The following RAB3C variants were observed in gnomAD, a reference collection of about 807,000 sequenced individuals.
The protein encoded by RAB3C is RAB3C, member RAS oncogene family.
In RAB3C, 17 loss-of-function variants were observed where a neutral mutation model predicts 26.4. The observed-to-expected ratio is 0.64, with a 90% CI of 0.44 to 0.97. The LOEUF (loss-of-function observed/expected upper bound fraction) is 0.97. Among genes scored for constraint, RAB3C ranks in the 50% least tolerant of loss-of-function variants. RAB3C has a pLI of 0.00. For missense variants in RAB3C, 242 were observed against 281.9 expected, an observed-to-expected ratio of 0.86 and a Z score of 1.01; for synonymous variants, 91 against 95.9, an observed-to-expected ratio of 0.95 and a Z score of 0.30.
chr5:58,785,474 C>G (rs1217393037), intron 3 of RAB3C, among the ~76,000 whole-genome samples: 2 of 152,214 alleles, frequency 1.3e-5, no homozygotes, highest in Non-Finnish European at 2.9e-5. Flanking sequence ...ATTCAAGCTT[C>G]TACTATTTGG....
At chr5:58,639,973 T>A (rs1389519207) in intron 2 of RAB3C, among the ~76,000 whole-genome samples, 2 of 152,224 alleles carry the variant, frequency 1.3e-5, no homozygotes, top group Non-Finnish European at 2.9e-5. Flanking sequence ...TCTTTCTTTA[T>A]CCACAGATTC....
chr5:58,765,969 C>T (rs758133216), intron 3 of RAB3C, among the ~76,000 whole-genome samples: 58 of 152,186 alleles, frequency 3.8e-4, no homozygotes, highest in African/African-American at 1.2e-3. Flanking sequence ...CCTCCTGCTC[C>T]GGCCACGTAA....
intron 3 of RAB3C, among the ~76,000 whole-genome samples, chr5:58,777,980 A>G (rs1742186856): frequency 6.6e-6 from 1 of 152,094 alleles, no homozygotes; most frequent in Non-Finnish European, 1.5e-5. Context: ...ATACAGTTCT[A>G]CTGACCAGAT....
intron 3 of RAB3C, among the ~76,000 whole-genome samples, chr5:58,749,760 G>C (rs1311846853): frequency 1.3e-5 from 2 of 152,098 alleles, no homozygotes; most frequent in Non-Finnish European, 2.9e-5. Flanking sequence ...AAAGTTTTCA[G>C]TTATTAACTT....
chr5:58,592,876 C>T (rs1306636182), intron 1 of RAB3C, among the ~76,000 whole-genome samples: 1 of 151,866 alleles, frequency 6.6e-6, no homozygotes, highest in African/African-American at 2.4e-5. Flanking sequence ...CTATAATGTG[C>T]CTAGATGTCG....
intron 2 of RAB3C, among the ~76,000 whole-genome samples, chr5:58,635,731 C>G (rs981450295): frequency 6.6e-6 from 1 of 152,074 alleles, no homozygotes; most frequent in Non-Finnish European, 1.5e-5. Context: ...TGTTTTCTTT[C>G]CTGACACAGG....
intron 2 of RAB3C, among the ~76,000 whole-genome samples, chr5:58,672,894 G>A (rs192266941): frequency 6.6e-6 from 1 of 152,260 alleles, no homozygotes; most frequent in African/African-American, 2.4e-5. Context: ...GCTAGGAGAA[G>A]AATAAACTAT....
intron 4 of RAB3C, among the ~76,000 whole-genome samples, chr5:58,827,838 G>A (rs1386303382): frequency 6.6e-6 from 1 of 152,056 alleles, no homozygotes; most frequent in Non-Finnish European, 1.5e-5. Context: ...TTTAAAAAAT[G>A]CTCTCACAAT....
At chr5:58,798,822 T>G (rs1269901336) in intron 3 of RAB3C, among the ~76,000 whole-genome samples, 2 of 152,222 alleles carry the variant, frequency 1.3e-5, no homozygotes, top group East Asian at 3.8e-4. Flanking sequence ...GTATTCTTAT[T>G]GAAATGTTTA....
At chr5:58,597,570 GCA>G (rs1196106546) in intron 1 of RAB3C, among the ~76,000 whole-genome samples, 94 of 122,030 alleles carry the variant, frequency 7.7e-4, no homozygotes, top group Non-Finnish European at 1.1e-3. Context: ...TTATATATAA[GCA>G]TATAACAATA....
intron 4 of RAB3C, among the ~76,000 whole-genome samples, chr5:58,843,727 C>T (rs1300023702): frequency 6.6e-6 from 1 of 152,084 alleles, no homozygotes; most frequent in Non-Finnish European, 1.5e-5. Context: ...ATAAATTTCC[C>T]ACAGGGCAAA....
chr5:58,850,871 T>C (rs1744099376), intron 4 of RAB3C, among the ~76,000 whole-genome samples: 2 of 152,212 alleles, frequency 1.3e-5, no homozygotes, highest in South Asian at 4.1e-4. Flanking sequence ...TGCAATAGAA[T>C]ATTTTTAATC....
At chr5:58,791,644 TG>T (rs1742524411) in intron 3 of RAB3C, among the ~76,000 whole-genome samples, 1 of 152,266 alleles carries the variant, frequency 6.6e-6, no homozygotes, top group Non-Finnish European at 1.5e-5. Context: ...TTAATCTATT[TG>T]GTGCTTAAAT....
At chr5:58,841,447 G>A (rs1377909021) in intron 4 of RAB3C, among the ~76,000 whole-genome samples, 2 of 152,160 alleles carry the variant, frequency 1.3e-5, no homozygotes, top group Admixed American at 1.3e-4. Flanking sequence ...CAGTGCTGGA[G>A]AGGTGCAGTA....
At chr5:58,690,190 A>T (rs1178276455) in intron 2 of RAB3C, among the ~76,000 whole-genome samples, 1 of 152,170 alleles carries the variant, frequency 6.6e-6, no homozygotes, top group Admixed American at 6.6e-5. Context: ...CTTCTAGTTA[A>T]GAATTCTATA....
At chr5:58,677,976 T>TTGTG (rs70973149) in intron 2 of RAB3C, among the ~76,000 whole-genome samples, 8,508 of 147,748 alleles carry the variant, frequency 0.058, 425 homozygotes, top group East Asian at 0.25. Flanking sequence ...CTAGATTATT[T>TTGTG]TGTGTGTGTG....
chr5:58,771,844 TTTTTC>T (rs1303446806), intron 3 of RAB3C, among the ~76,000 whole-genome samples: 64 of 149,700 alleles, frequency 4.3e-4, no homozygotes, highest in African/African-American at 1.5e-3. Flanking sequence ...TTTCTTTTTC[TTTTTC>T]TTTTTTTTTT....
At chr5:58,714,992 A>G (rs1470968529) in intron 2 of RAB3C, among the ~76,000 whole-genome samples, 1 of 152,042 alleles carries the variant, frequency 6.6e-6, no homozygotes, top group Non-Finnish European at 1.5e-5. Flanking sequence ...AAAGAAAAAT[A>G]TATTTTAATT....
intron 4 of RAB3C, among the ~76,000 whole-genome samples, chr5:58,831,462 C>G (rs771147248): frequency 1.3e-5 from 2 of 152,178 alleles, no homozygotes; most frequent in Non-Finnish European, 2.9e-5. Context: ...GCCAAGTGTG[C>G]TGTGATTTAT....
Sources: allele counts gnomAD v4.1 joint callset (sites outside exome capture counted in the v4.1 genomes callset), GRCh38; gene constraint gnomAD v4.1.1; transcripts MANE v1.5; gene names NCBI Gene and HGNC (gene_info 2026-07-23, HGNC 2026-07-21).